CSMD1: variants seen among roughly 807,000 people sequenced by gnomAD.
The protein encoded by CSMD1 is CUB and sushi domain-containing protein 1.
In CSMD1, 213 loss-of-function variants were observed where a neutral mutation model predicts 417.5. That is an observed-to-expected ratio of 0.51 (90% CI 0.46 to 0.57). The LOEUF is 0.57. Ranked by LOEUF, CSMD1 falls within the 20% of genes least tolerant of loss-of-function variation. CSMD1 has a pLI of 0.00. For missense variants in CSMD1, 6,923 were observed against 4,529.7 expected (o/e 1.53, Z -15.17); for synonymous variants, 2,862 against 1,736.8 (o/e 1.65, Z -16.11).
At chr8:3,810,843 A>G (rs1378209821) in intron 5 of CSMD1, among the ~76,000 whole-genome samples, 1 of 152,152 alleles carries the variant, frequency 6.6e-6, no homozygotes. Context: ...AGATGGGGCC[A>G]TTGATCTTTA....
At chr8:4,331,124 C>G (rs910189870) in intron 3 of CSMD1, among the ~76,000 whole-genome samples, 1 of 152,078 alleles carries the variant, frequency 6.6e-6, no homozygotes, top group Non-Finnish European at 1.5e-5. Context: ...ATATATTTCC[C>G]GAAACTAAAC....
intron 3 of CSMD1, among the ~76,000 whole-genome samples, chr8:4,184,811 G>A (rs1416613581): frequency 6.6e-6 from 1 of 151,888 alleles, no homozygotes; most frequent in Non-Finnish European, 1.5e-5. Context: ...ACTTATATAG[G>A]AAACATGCAC....
chr8:3,872,999 T>A (rs533734518), intron 5 of CSMD1, among the ~76,000 whole-genome samples: 1 of 151,896 alleles, frequency 6.6e-6, no homozygotes, highest in Non-Finnish European at 1.5e-5. Flanking sequence ...AAAACCACAG[T>A]GAGATACCAT....
chr8:4,665,613 T>A (rs1209407130), intron 1 of CSMD1, among the ~76,000 whole-genome samples: 2 of 152,152 alleles, frequency 1.3e-5, no homozygotes, highest in African/African-American at 4.8e-5. Context: ...TCATACAGTG[T>A]GCATGCAGCC....
intron 2 of CSMD1, among the ~76,000 whole-genome samples, chr8:4,631,260 G>C (rs930821304): frequency 1.3e-5 from 2 of 152,132 alleles, no homozygotes; most frequent in Admixed American, 1.3e-4. Flanking sequence ...TACTTGGGAG[G>C]CTGAGGCAGG....
chr8:4,815,828 T>C (rs1197179413), intron 1 of CSMD1, among the ~76,000 whole-genome samples: 1 of 152,060 alleles, frequency 6.6e-6, no homozygotes, highest in Admixed American at 6.5e-5. Context: ...AATGCCTAAA[T>C]GTTGGCTCCC....
At chr8:2,964,169 G>A (rs564226178) in intron 59 of CSMD1, among the ~76,000 whole-genome samples, 1 of 152,232 alleles carries the variant, frequency 6.6e-6, no homozygotes, top group Non-Finnish European at 1.5e-5. Flanking sequence ...GACCCTGTAG[G>A]TAGCAGAAGG....
chr8:4,308,497 G>C (rs1457012028), intron 3 of CSMD1, among the ~76,000 whole-genome samples: 2 of 152,186 alleles, frequency 1.3e-5, no homozygotes, highest in Admixed American at 6.5e-5. Context: ...CACGGCAAAA[G>C]GCCATTTCAG....
rs149359522 is a variant in CSMD1 at position 4,775,366 on chromosome 8, G to T, written c.86-137808C>A. ...GAACACTACGAATTTTTATAGAAAA[G>T]TGTTATTCAAAGATAGTGTTTAGAG... On this transcript the variant is annotated intron_variant, in intron 1 of 69. Coordinates refer to ENST00000635120, the MANE Select transcript of CSMD1 (RefSeq NM_033225.6). Among the ~76,000 whole-genome samples, 427 of 152,274 alleles carry T rather than the reference G, an allele frequency of 2.8e-3. 4 individuals carry two copies. Among genetic ancestry groups the T allele is most frequent in the African/African-American group, 9.8e-3 (409 of 41,558 alleles).
intron 18 of CSMD1, among the ~76,000 whole-genome samples, chr8:3,374,304 C>G (rs766755148): frequency 2.1e-4 from 32 of 152,056 alleles, no homozygotes; most frequent in Admixed American, 1.7e-3. Context: ...CTACTTTTAT[C>G]CATTCATCTA....
At chr8:4,799,479 GC>G (rs547400011) in intron 1 of CSMD1, among the ~76,000 whole-genome samples, 156 of 151,598 alleles carry the variant, frequency 1.0e-3, no homozygotes, top group African/African-American at 3.7e-3. Context: ...TGTGCCTGTA[GC>G]CCCAGCTACT....
intron 3 of CSMD1, among the ~76,000 whole-genome samples, chr8:4,417,022 G>C (rs1796979004): frequency 6.6e-6 from 1 of 151,998 alleles, no homozygotes; most frequent in Non-Finnish European, 1.5e-5. Flanking sequence ...TAATGTCCAA[G>C]TATAGAACTA....
At chr8:4,454,223 C>T (rs1030186166) in intron 2 of CSMD1, among the ~76,000 whole-genome samples, 1 of 152,112 alleles carries the variant, frequency 6.6e-6, no homozygotes, top group Non-Finnish European at 1.5e-5. Flanking sequence ...TATCCACCCC[C>T]AACACCGCCA....
intron 5 of CSMD1, among the ~76,000 whole-genome samples, chr8:3,974,829 TA>T (rs1472684477): frequency 6.6e-6 from 1 of 152,122 alleles, no homozygotes; most frequent in Non-Finnish European, 1.5e-5. Flanking sequence ...ATGATGCAAT[TA>T]ATGTTTTACC....
intron 3 of CSMD1, among the ~76,000 whole-genome samples, chr8:4,264,873 T>C (rs1000626255): frequency 7.2e-5 from 11 of 152,188 alleles, no homozygotes; most frequent in African/African-American, 2.2e-4. Flanking sequence ...GTGCCCTAGG[T>C]AGGACGATGA....
intron 26 of CSMD1, among the ~76,000 whole-genome samples, chr8:3,245,730 A>G (rs887440525): frequency 6.6e-6 from 1 of 152,116 alleles, no homozygotes; most frequent in Non-Finnish European, 1.5e-5. Flanking sequence ...ACAGATGATC[A>G]CCCCAATTTC....
intron 7 of CSMD1, among the ~76,000 whole-genome samples, chr8:3,617,777 C>T (rs1032486805): frequency 6.6e-6 from 1 of 152,098 alleles, no homozygotes. Flanking sequence ...TGTCGCAATT[C>T]TGAACATTCT....
chr8:4,258,847 G>T (rs1434048248), intron 3 of CSMD1, among the ~76,000 whole-genome samples: 1 of 152,068 alleles, frequency 6.6e-6, no homozygotes, highest in East Asian at 1.9e-4. Context: ...ACTCCTCATG[G>T]ACAACGGCTG....
chr8:3,653,128 G>C (rs1190835544), intron 7 of CSMD1, among the ~76,000 whole-genome samples: 4 of 151,812 alleles, frequency 2.6e-5, no homozygotes, highest in Admixed American at 1.3e-4. Flanking sequence ...TTAATTGAAA[G>C]CCCTATAAAT....
Sources: allele counts gnomAD v4.1 joint callset (sites outside exome capture counted in the v4.1 genomes callset), GRCh38; gene constraint gnomAD v4.1.1; transcripts MANE v1.5; gene names NCBI Gene and HGNC (gene_info 2026-07-23, HGNC 2026-07-21).